The following TTC7B variants were observed in gnomAD, a reference collection of about 807,000 sequenced individuals.
The protein encoded by TTC7B is tetratricopeptide repeat protein 7B.
Under a neutral mutation model 106.8 loss-of-function variants are expected in TTC7B, and 28 were observed. That is an observed-to-expected ratio of 0.26 (90% confidence interval 0.19 to 0.36). The LOEUF (loss-of-function observed/expected upper bound fraction) is 0.36, where lower values mean the gene tolerates loss of function less well. Among genes scored for constraint, TTC7B ranks in the 10% least tolerant of loss-of-function variants. The pLI is 1.00. For synonymous variants in TTC7B, 405 were observed against 430.6 expected (o/e 0.94, Z 0.74); for missense variants, 862 against 1,076.4 (o/e 0.80, Z 2.79).
At chr14:90,618,486 T>A (rs1893178937) in intron 15 of TTC7B, among the ~76,000 whole-genome samples, 1 of 152,228 alleles carries the variant, frequency 6.6e-6, no homozygotes, top group Admixed American at 6.5e-5. Context: ...CACCGTCGTG[T>A]GAGCTTCGAA....
At chr14:90,799,869 G>A (rs960190778) in intron 1 of TTC7B, among the ~76,000 whole-genome samples, 3 of 151,890 alleles carry the variant, frequency 2.0e-5, no homozygotes, top group South Asian at 2.1e-4. Flanking sequence ...TCGCTCTGTC[G>A]CCCAGGCTGG....
chr14:90,789,622 C>T (rs1052484881), intron 1 of TTC7B, among the ~76,000 whole-genome samples: 8 of 133,490 alleles, frequency 6.0e-5, no homozygotes, highest in Admixed American at 2.5e-4. Flanking sequence ...GTCAGCCGGG[C>T]GCGTGGCTCA....
rs1405576751 is a variant in TTC7B at position 90,530,924 on chromosome 14, T to C, written c.*10444A>G. On this transcript the variant is annotated 3_prime_UTR_variant, in exon 20 of 20. Coordinates refer to ENST00000328459, the MANE Select transcript of TTC7B (RefSeq NM_001010854.2). The stretch of plus-strand genomic sequence containing the variant: ...AAATCACCACTAAAGAACTTACTCA[T>C]GTAACCACTGTGTTCCCCAATAACC... 1.3e-5 allele frequency: 2 copies of C among 152,194 alleles called. No individual in the cohort carries two copies. Among genetic ancestry groups the C allele is most frequent in the Non-Finnish European group, 2.9e-5 (2 of 68,042 alleles). The allele number at this position is 152,194 out of a possible 1,614,324, so 9.4% of individuals were successfully genotyped here.
intron 18 of TTC7B, among the ~76,000 whole-genome samples, chr14:90,581,208 G>A (rs570377394): frequency 6.6e-6 from 1 of 152,156 alleles, no homozygotes; most frequent in Admixed American, 6.5e-5. Context: ...ACAGAAACTC[G>A]AGCAATTCCA....
intron 9 of TTC7B, among the ~76,000 whole-genome samples, chr14:90,662,115 CAA>C (rs1392643222): frequency 6.6e-6 from 1 of 152,176 alleles, no homozygotes; most frequent in African/African-American, 2.4e-5. Flanking sequence ...CCTGTTACTT[CAA>C]AACTCTTCTG....
Position 90,608,951 on chromosome 14 carries a change from G to A in TTC7B, c.1966+1791C>T, listed in dbSNP as rs1379590681. Among the ~76,000 whole-genome samples, 1 of 152,206 alleles carries A rather than the reference G, an allele frequency of 6.6e-6. No homozygotes were observed. The highest frequency in any genetic ancestry group is 6.5e-5 in the Admixed American group (1 of 15,284). ...GGGAGAAAAGTGGGGAGACGGCGCT[G>A]GGTAGCCACAGCAGCTGTTTTGAAT... On this transcript the variant is annotated intron_variant, in intron 17 of 19. Coordinates refer to ENST00000328459, the MANE Select transcript of TTC7B (RefSeq NM_001010854.2). The surrounding 1 kb of genome is among the most constrained non-coding windows in gnomAD (Gnocchi z 5.1).
chr14:90,783,102 C>T (rs983682422), intron 2 of TTC7B, among the ~76,000 whole-genome samples: 5 of 152,340 alleles, frequency 3.3e-5, no homozygotes, highest in East Asian at 1.9e-4. Context: ...TTGGCCAGGG[C>T]GCCTCGGCTG....
intron 4 of TTC7B, among the ~76,000 whole-genome samples, chr14:90,735,861 T>G: frequency 6.6e-6 from 1 of 152,100 alleles, no homozygotes; most frequent in Non-Finnish European, 1.5e-5. Context: ...TTTCTTGAAC[T>G]CAACAAAATT....
At chr14:90,743,551 C>T (rs1889848483) in intron 4 of TTC7B, among the ~76,000 whole-genome samples, 3 of 152,188 alleles carry the variant, frequency 2.0e-5, no homozygotes, top group South Asian at 2.1e-4. Context: ...TTGTAGGGTA[C>T]ATCTCTGGGT....
rs1191404620 is a variant in TTC7B, at chr14:90,744,735, C to T, written c.576+57G>A. Reference sequence around the variant, plus strand: ...CTTCCTAGAGATTAATCTCAGTTGTCCACTATCTGATTTGAGGGAAAAAGT... The same window carrying T: ...CTTCCTAGAGATTAATCTCAGTTGTTCACTATCTGATTTGAGGGAAAAAGT... On this transcript the variant is annotated intron_variant, in intron 4 of 19. Coordinates refer to ENST00000328459, the MANE Select transcript of TTC7B (RefSeq NM_001010854.2). 7 of 1,574,956 alleles carry T rather than the reference C, an allele frequency of 4.4e-6. No homozygotes were observed. In the East Asian group the frequency reaches 1.6e-4, roughly 35 times the overall value.
chr14:90,680,645 A>G, intron 7 of TTC7B, 110 bp from the exon 8 acceptor site: 2 of 721,348 alleles, frequency 2.8e-6, no homozygotes, highest in East Asian at 2.7e-5. Flanking sequence ...CCCATGAAAA[A>G]TACTGTATAA....
chr14:90,565,647 G>T (rs12896568), intron 19 of TTC7B, among the ~76,000 whole-genome samples: 1 of 151,566 alleles, frequency 6.6e-6, no homozygotes, highest in African/African-American at 2.4e-5. Context: ...TGATCTGCCC[G>T]CCTCGGCCTC....
chr14:90,606,452 G>A (rs1410819711), intron 17 of TTC7B, among the ~76,000 whole-genome samples: 1 of 152,164 alleles, frequency 6.6e-6, no homozygotes, highest in Non-Finnish European at 1.5e-5. Context: ...GGTATTTGTT[G>A]ATATCTATCA....
chr14:90,655,694 A>G (rs1487215710), intron 11 of TTC7B, among the ~76,000 whole-genome samples: 3 of 152,338 alleles, frequency 2.0e-5, no homozygotes, highest in African/African-American at 7.2e-5. Context: ...ACAATTCATT[A>G]GAGGCAAAAA....
chr14:90,761,505 T>C (rs1046695471), intron 3 of TTC7B, among the ~76,000 whole-genome samples: 4 of 152,242 alleles, frequency 2.6e-5, no homozygotes, highest in Non-Finnish European at 5.9e-5. Context: ...CCTGCCACAC[T>C]ATCCTTGAAA....
At chr14:90,771,729 A>C (rs72695520) in intron 3 of TTC7B, among the ~76,000 whole-genome samples, 4,169 of 152,068 alleles carry the variant, frequency 0.027, 83 homozygotes, top group Non-Finnish European at 0.04. Flanking sequence ...AAGAATATAA[A>C]ATAGTATATA....
intron 3 of TTC7B, among the ~76,000 whole-genome samples, chr14:90,758,578 A>T (rs914480347): frequency 1.3e-5 from 2 of 152,084 alleles, no homozygotes; most frequent in East Asian, 1.9e-4. Flanking sequence ...GGCTCCCGCG[A>T]CCCCTGGCGG....
intron 17 of TTC7B, chr14:90,603,434 T>C (rs1270660905): frequency 1.8e-6 from 1 of 543,910 alleles, no homozygotes; most frequent in African/African-American, 2.0e-5. Context: ...TAGAATCATA[T>C]TTCCATTCAA....
chr14:90,606,327 T>A (rs1416871604), intron 17 of TTC7B, among the ~76,000 whole-genome samples: 1 of 152,126 alleles, frequency 6.6e-6, no homozygotes, highest in African/African-American at 2.4e-5. Context: ...TGCCTTCATG[T>A]CTTACAGCTG....
Sources: gnomAD v4.1 joint callset for allele counts (sites outside exome capture counted in the v4.1 genomes callset) on GRCh38, gnomAD v4.1.1 for gene constraint, Gnocchi (gnomAD v3.1) non-coding constraint, MANE v1.5 for transcripts, NCBI Gene and HGNC (gene_info 2026-07-23, HGNC 2026-07-21) for gene names.